BTG4: variants seen among roughly 807,000 people sequenced by gnomAD.
BTG4 encodes protein BTG4.
BTG4 carries 10 observed loss-of-function variants against 19.3 expected under a neutral mutation model. The ratio of observed to expected loss-of-function variants is 0.52; its 90% CI spans 0.32 to 0.88. The LOEUF (loss-of-function observed/expected upper bound fraction) is 0.88, where lower values mean the gene tolerates loss of function less well. Ranked by LOEUF, BTG4 falls within the 40% of genes least tolerant of loss-of-function variation. The probability of loss-of-function intolerance (pLI) is 0.04; values close to 1 mark genes in which losing one functional copy is unlikely to be tolerated. For missense variants in BTG4, 238 were observed against 281.9 expected (o/e 0.84, Z 1.11); for synonymous variants, 91 against 95.7 (o/e 0.95, Z 0.29).
the BTG4 span, chr11:111,454,228 C>T: frequency 9.0e-6 from 4 of 446,860 alleles, no homozygotes; most frequent in Non-Finnish European, 1.8e-5. Flanking sequence ...TCCCTCCGAC[C>T]CCCACAGGTG....
the BTG4 span, among the ~76,000 whole-genome samples, chr11:111,429,863 C>T: frequency 4.4e-4 from 67 of 152,344 alleles, 1 homozygote; most frequent in South Asian, 0.013. Context: ...TATACACTTT[C>T]TTCAAGTCCT....
chr11:111,466,193 T>C (rs750137712), downstream of BTG4, among the ~76,000 whole-genome samples: 2 of 152,202 alleles, frequency 1.3e-5, no homozygotes, highest in African/African-American at 4.8e-5. Context: ...TGGGGTCTTA[T>C]AGAACCTGGG....
At chr11:111,450,969 C>T in the BTG4 span, 1 of 158,878 alleles carries the variant, frequency 6.3e-6, no homozygotes, top group African/African-American at 2.4e-5. Flanking sequence ...CTAGGAAAGT[C>T]TAGGGAAGGA....
At chr11:111,492,867 T>A (rs1865499891), downstream of BTG4, among the ~76,000 whole-genome samples, 1 of 151,894 alleles carries the variant, frequency 6.6e-6, no homozygotes, top group Non-Finnish European at 1.5e-5. Context: ...AATCAAGAAG[T>A]CTCAAATACC....
intron 5 of BTG4, chr11:111,469,110 C>A (rs1444522192): frequency 6.6e-6 from 1 of 152,156 alleles, no homozygotes; most frequent in African/African-American, 2.4e-5. Context: ...TGTTTTAGAC[C>A]ATGTGCCATA....
the BTG4 span, chr11:111,457,457 TC>T: frequency 6.5e-6 from 1 of 153,130 alleles, no homozygotes; most frequent in Non-Finnish European, 1.5e-5. Context: ...TGGCCTGGCC[TC>T]CCAGTCCCCT....
chr11:111,492,375 A>T (rs557075583), downstream of BTG4, among the ~76,000 whole-genome samples: 5 of 152,238 alleles, frequency 3.3e-5, no homozygotes, highest in East Asian at 9.6e-4. Flanking sequence ...TATATGGTTG[A>T]TTTTTCTTTT....
the BTG4 span, chr11:111,455,869 C>T: frequency 4.4e-6 from 2 of 454,516 alleles, no homozygotes; most frequent in Middle Eastern, 3.3e-4. Flanking sequence ...GGCGGAGCTA[C>T]TGAGGCCAGG....
the BTG4 span, among the ~76,000 whole-genome samples, chr11:111,435,364 C>G: frequency 4.6e-5 from 7 of 152,266 alleles, no homozygotes; most frequent in South Asian, 1.5e-3. Flanking sequence ...CCACCGCCAC[C>G]ACCGCCACGG....
intron 5 of BTG4, among the ~76,000 whole-genome samples, chr11:111,475,721 T>C (rs1401373136): frequency 6.6e-6 from 1 of 152,170 alleles, no homozygotes; most frequent in Non-Finnish European, 1.5e-5. Context: ...GCTTCTCACA[T>C]GGATAATTCT....
chr11:111,458,944 T>C, the BTG4 span, among the ~76,000 whole-genome samples: 1 of 151,924 alleles, frequency 6.6e-6, no homozygotes, highest in African/African-American at 2.4e-5. Context: ...AAAGGAAGAG[T>C]AAAATCGTGC....
chr11:111,389,150 C>A, the BTG4 span, among the ~76,000 whole-genome samples: 6 of 152,320 alleles, frequency 3.9e-5, no homozygotes, highest in African/African-American at 1.4e-4. Context: ...GGGCAACTTT[C>A]TGTCATGGGT....
chr11:111,387,137 C>G, the BTG4 span, among the ~76,000 whole-genome samples: 1 of 152,200 alleles, frequency 6.6e-6, no homozygotes, highest in Non-Finnish European at 1.5e-5. Flanking sequence ...GAGAATATAT[C>G]ACTGAATTCT....
the BTG4 span, among the ~76,000 whole-genome samples, chr11:111,413,011 C>A: frequency 3.3e-5 from 5 of 152,132 alleles, no homozygotes; most frequent in Admixed American, 6.6e-5. Flanking sequence ...TCGGTGTGAG[C>A]AATGCCACTC....
At chr11:111,438,923 G>T in the BTG4 span, among the ~76,000 whole-genome samples, 1 of 152,178 alleles carries the variant, frequency 6.6e-6, no homozygotes, top group African/African-American at 2.4e-5. Flanking sequence ...CCATCCACCA[G>T]AAATCTCTGG....
At chr11:111,413,505 A>G in the BTG4 span, among the ~76,000 whole-genome samples, 2 of 152,388 alleles carry the variant, frequency 1.3e-5, no homozygotes, top group African/African-American at 2.4e-5. Context: ...TGGGATCCTC[A>G]TAACAATCAT....
chr11:111,387,396 T>G, the BTG4 span, among the ~76,000 whole-genome samples: 2 of 152,184 alleles, frequency 1.3e-5, no homozygotes, highest in Non-Finnish European at 2.9e-5. Context: ...CTTCAATAAT[T>G]AGACATTGTG....
At chr11:111,438,005 T>C in the BTG4 span, among the ~76,000 whole-genome samples, 1 of 152,136 alleles carries the variant, frequency 6.6e-6, no homozygotes, top group East Asian at 1.9e-4. Flanking sequence ...ACTCTGACTA[T>C]ACTAGACAAC....
At chr11:111,458,439 C>T in the BTG4 span, among the ~76,000 whole-genome samples, 1 of 152,156 alleles carries the variant, frequency 6.6e-6, no homozygotes, top group Non-Finnish European at 1.5e-5. Context: ...TAATTTCTTG[C>T]CAATGCCATT....
Sources: allele counts gnomAD v4.1 joint callset (sites outside exome capture counted in the v4.1 genomes callset), GRCh38; gene constraint gnomAD v4.1.1; transcripts MANE v1.5; gene names NCBI Gene and HGNC (gene_info 2026-07-23, HGNC 2026-07-21).